ZNF638: variants seen among roughly 807,000 people sequenced by gnomAD.
The protein encoded by ZNF638 is zinc finger protein 638.
In ZNF638, 46 loss-of-function variants were observed where a neutral mutation model predicts 195.6. The observed-to-expected ratio is 0.24, with a 90% confidence interval of 0.19 to 0.30. The LOEUF (loss-of-function observed/expected upper bound fraction) is 0.30, where lower values mean the gene tolerates loss of function less well. Among genes scored for constraint, ZNF638 ranks in the 10% least tolerant of loss-of-function variants. The probability of loss-of-function intolerance (pLI) is 1.00; values close to 1 mark genes in which losing one functional copy is unlikely to be tolerated. For synonymous variants in ZNF638, 845 were observed against 772.0 expected (o/e 1.09, Z -1.57); for missense variants, 2,440 against 2,325.3 (o/e 1.05, Z -1.01).
intron 12 of ZNF638, among the ~76,000 whole-genome samples, chr2:71,399,135 A>G (rs184764858): frequency 2.0e-5 from 3 of 152,234 alleles, no homozygotes; most frequent in South Asian, 4.1e-4. Flanking sequence ...TGTTACTTTT[A>G]AAAAGGATGT....
intron 18 of ZNF638, among the ~76,000 whole-genome samples, chr2:71,405,925 T>G (rs939094281): frequency 6.6e-6 from 1 of 152,192 alleles, no homozygotes; most frequent in Non-Finnish European, 1.5e-5. Context: ...AGTAGAAATA[T>G]TATACTTCCC....
intron 1 of ZNF638, among the ~76,000 whole-genome samples, chr2:71,336,629 A>G (rs1296443181): frequency 6.6e-6 from 1 of 152,204 alleles, no homozygotes; most frequent in African/African-American, 2.4e-5. Flanking sequence ...TCACAGCAGC[A>G]TTCCCAATGG....
At chr2:71,359,772 A>G (rs1488802962) in intron 3 of ZNF638, among the ~76,000 whole-genome samples, 2 of 152,184 alleles carry the variant, frequency 1.3e-5, no homozygotes, top group Non-Finnish European at 1.5e-5. Flanking sequence ...TTATAGGGAT[A>G]TACCTTCTTT....
intron 1 of ZNF638, among the ~76,000 whole-genome samples, chr2:71,340,835 T>C (rs1214755945): frequency 6.6e-6 from 1 of 152,216 alleles, no homozygotes; most frequent in Non-Finnish European, 1.5e-5. Context: ...TTTTACTTAA[T>C]GTGTGAACTG....
chr2:71,333,305 A>G (rs2078605904), intron 1 of ZNF638, among the ~76,000 whole-genome samples: 1 of 152,218 alleles, frequency 6.6e-6, no homozygotes. Flanking sequence ...ATGCTGGGCC[A>G]TTCCTTCCTT....
At chr2:71,369,322 C>CAAA (rs34506232) in intron 7 of ZNF638, among the ~76,000 whole-genome samples, 6 of 99,010 alleles carry the variant, frequency 6.1e-5, no homozygotes, top group Admixed American at 2.1e-4. Context: ...GGCTCCGTCT[C>CAAA]AAAAAAAAAA....
chr2:71,410,992 C>CTTTTTTTTTTT (rs775391313), intron 20 of ZNF638, among the ~76,000 whole-genome samples: 1 of 24,506 alleles, frequency 4.1e-5, no homozygotes, highest in Non-Finnish European at 7.7e-5. Context: ...CTCCCCCCCC[C>CTTTTTTTTTTT]TTTTTTTTTT....
intron 10 of ZNF638, chr2:71,395,569 A>G: frequency 1.7e-6 from 1 of 597,910 alleles, no homozygotes; most frequent in Non-Finnish European, 3.0e-6. Context: ...ACCTTTGATC[A>G]TCCTATTGCG....
At chr2:71,421,112 GT>G (rs1448595030) in intron 21 of ZNF638, among the ~76,000 whole-genome samples, 2 of 152,086 alleles carry the variant, frequency 1.3e-5, no homozygotes, top group Admixed American at 1.3e-4. Flanking sequence ...AGTTTCTAAA[GT>G]TTTATGTAGG....
chr2:71,404,129 T>G, intron 17 of ZNF638, 131 bp downstream of exon 17: 2 of 875,602 alleles, frequency 2.3e-6, no homozygotes, highest in Admixed American at 2.5e-5. Flanking sequence ...CTTCTTCCTG[T>G]CCCTCCAACA....
chr2:71,399,766 C>A, intron 13 of ZNF638, 121 bp downstream of exon 13: 1 of 748,254 alleles, frequency 1.3e-6, no homozygotes, highest in Non-Finnish European at 2.2e-6. Context: ...GTTTGTTGTA[C>A]AGGTTATTTC....
intron 10 of ZNF638, among the ~76,000 whole-genome samples, chr2:71,394,641 T>G (rs2079856326): frequency 6.6e-6 from 1 of 152,160 alleles, no homozygotes; most frequent in East Asian, 1.9e-4. Context: ...GCAAGGTTCC[T>G]TTGCTCTTGC....
chr2:71,403,167 A>G (rs2080040102), intron 16 of ZNF638, among the ~76,000 whole-genome samples: 1 of 152,184 alleles, frequency 6.6e-6, no homozygotes, highest in Middle Eastern at 3.2e-3. Context: ...AAATTTAAAA[A>G]CTAAGAGTAT....
chr2:71,332,465 C>T (rs1002982810), intron 1 of ZNF638, among the ~76,000 whole-genome samples: 1 of 152,040 alleles, frequency 6.6e-6, no homozygotes, highest in African/African-American at 2.4e-5. Context: ...GCGGCTTTTC[C>T]GGGCTGGTGT....
At chr2:71,391,635 C>T (rs1256311031) in intron 10 of ZNF638, among the ~76,000 whole-genome samples, 3 of 152,206 alleles carry the variant, frequency 2.0e-5, no homozygotes, top group Admixed American at 6.5e-5. Context: ...TACTAACTTC[C>T]TGGTCAGTAA....
In ZNF638 at chr2:71,331,828, A is replaced by C; in HGVS notation, c.-250A>C. 1.0e-6 allele frequency: 1 copy of C among 986,268 alleles called. No homozygotes were observed. The highest frequency in any genetic ancestry group is 1.2e-6 in the Non-Finnish European group (1 of 830,270). 61.1% of individuals were successfully genotyped at this position (986,268 alleles called of 1,614,324 possible). The stretch of plus-strand genomic sequence containing the variant: ...GTCGAGACTGGAGGCTGAGTGCTAA[A>C]CTGTGTGGGGCGCGGATGGGATCCA... On this transcript the variant is annotated 5_prime_UTR_variant, in exon 1 of 28. Transcript: ENST00000264447.
chr2:71,373,813 G>T (rs988565515), intron 8 of ZNF638: 1 of 151,840 alleles, frequency 6.6e-6, no homozygotes, highest in Admixed American at 6.6e-5. Flanking sequence ...AGCCTCAGGA[G>T]GTTCTGAGGA....
chr2:71,391,415 C>G (rs2079774327), intron 10 of ZNF638, among the ~76,000 whole-genome samples: 2 of 152,140 alleles, frequency 1.3e-5, no homozygotes, highest in Admixed American at 1.3e-4. Flanking sequence ...CTGAACAGTC[C>G]TACCATGTGT....
At chr2:71,424,943 C>T (rs552419123) in intron 23 of ZNF638, among the ~76,000 whole-genome samples, 7 of 151,960 alleles carry the variant, frequency 4.6e-5, no homozygotes, top group African/African-American at 1.4e-4. Flanking sequence ...GGGGAGCGGG[C>T]AAAATGTTAT....
Sources: gnomAD v4.1 joint callset for allele counts (sites outside exome capture counted in the v4.1 genomes callset) on GRCh38, gnomAD v4.1.1 for gene constraint, MANE v1.5 for transcripts, NCBI Gene and HGNC (gene_info 2026-07-23, HGNC 2026-07-21) for gene names.